Variants in ZNF521 observed in about 807,000 individuals in gnomAD.
ZNF521 encodes LYST-interacting protein 3.
ZNF521 carries 14 observed loss-of-function variants against 105.5 expected under a neutral mutation model. That is an observed-to-expected ratio of 0.13 (90% confidence interval 0.09 to 0.21). The LOEUF (loss-of-function observed/expected upper bound fraction) is 0.21. Ranked by LOEUF, ZNF521 falls within the 10% of genes least tolerant of loss-of-function variation. ZNF521 has a pLI of 1.00. For synonymous variants in ZNF521, 635 were observed against 606.0 expected (o/e 1.05, Z -0.70); for missense variants, 1,233 against 1,629.7 (o/e 0.76, Z 4.19).
At chr18:25,316,797 C>T (rs1912646715) in intron 3 of ZNF521, among the ~76,000 whole-genome samples, 1 of 151,860 alleles carries the variant, frequency 6.6e-6, no homozygotes, top group Non-Finnish European at 1.5e-5. Context: ...AAAACAAGAC[C>T]CATCAGATAA....
chr18:25,262,277 A>G (rs1385398440), intron 3 of ZNF521, among the ~76,000 whole-genome samples: 1 of 152,202 alleles, frequency 6.6e-6, no homozygotes. Flanking sequence ...AACAGCAACA[A>G]TTTTAAGGCA....
At chr18:25,066,508 A>C (rs1445840884) in intron 7 of ZNF521, among the ~76,000 whole-genome samples, 1 of 152,224 alleles carries the variant, frequency 6.6e-6, no homozygotes, top group African/African-American at 2.4e-5. Flanking sequence ...GCGAAGTCCT[A>C]GTCTCTGGTC....
At chr18:25,074,171 C>T in intron 7 of ZNF521, among the ~76,000 whole-genome samples, 1 of 152,236 alleles carries the variant, frequency 6.6e-6, no homozygotes, top group Admixed American at 6.5e-5. Flanking sequence ...GAGTTACATA[C>T]ATGCATTGCT....
At chr18:25,197,046 T>C (rs1477838444) in intron 4 of ZNF521, among the ~76,000 whole-genome samples, 1 of 151,764 alleles carries the variant, frequency 6.6e-6, no homozygotes, top group Admixed American at 6.6e-5. Context: ...TAATAAAGAA[T>C]AAAATCACTT....
intron 5 of ZNF521, among the ~76,000 whole-genome samples, chr18:25,148,454 A>T (rs1419930591): frequency 6.6e-6 from 1 of 152,100 alleles, no homozygotes; most frequent in Non-Finnish European, 1.5e-5. Flanking sequence ...AAAAAATTAA[A>T]GTTTCTGTTC....
At chr18:25,306,790 A>C (rs1259854272) in intron 3 of ZNF521, among the ~76,000 whole-genome samples, 1 of 152,084 alleles carries the variant, frequency 6.6e-6, no homozygotes, top group African/African-American at 2.4e-5. Context: ...ATGTTACAAA[A>C]ATTGGAGTAA....
At chr18:25,334,875 C>T (rs964973364) in intron 2 of ZNF521, among the ~76,000 whole-genome samples, 1 of 152,166 alleles carries the variant, frequency 6.6e-6, no homozygotes, top group African/African-American at 2.4e-5. Flanking sequence ...TTGCTAAGAG[C>T]CAGACATCCA....
At position 25,346,646 on chromosome 18, in the gene ZNF521, T is replaced by C. The variant is rs554753817; in HGVS notation, c.40+4261A>G. On this transcript the variant is annotated intron_variant, in intron 2 of 7. Transcript: ENST00000361524. ...CTCAAAAATAAAATAAAATAAACCT[T>C]CCTAAGTACAAAAGAAGGTAAATGG... Among the ~76,000 whole-genome samples the C allele has an allele frequency of 2.6e-5, 4 of 152,308 alleles. No homozygotes were observed. In the East Asian group the frequency reaches 5.8e-4, roughly 22 times the overall value.
rs569271361 is a variant in ZNF521, at chr18:25,256,010, A to G, written c.221-28313T>C. On this transcript the variant is annotated intron_variant, in intron 3 of 7. Coordinates refer to ENST00000361524, the MANE Select transcript of ZNF521 (RefSeq NM_015461.3). ...GGTATATATATGGTATATATATATG[A>G]TATATATATGGTATATATATGGTAT... Among the ~76,000 whole-genome samples, 45 of 147,802 alleles carry G rather than the reference A, an allele frequency of 3.0e-4. No individual in the cohort carries two copies. The East Asian group carries it at 3.9e-3, about 13-fold the overall frequency.
At chr18:25,180,785 C>A (rs983624387) in intron 5 of ZNF521, among the ~76,000 whole-genome samples, 76 of 152,076 alleles carry the variant, frequency 5.0e-4, no homozygotes, top group African/African-American at 1.8e-3. Flanking sequence ...GAAATCCATC[C>A]ATTTTGTGGC....
intron 3 of ZNF521, among the ~76,000 whole-genome samples, chr18:25,234,746 A>G (rs2144769004): frequency 6.6e-6 from 1 of 152,346 alleles, no homozygotes; most frequent in African/African-American, 2.4e-5. Flanking sequence ...AACAGCAGAA[A>G]GGAATCAAAA....
chr18:25,183,609 T>C (rs2035669972), intron 5 of ZNF521, among the ~76,000 whole-genome samples: 1 of 152,136 alleles, frequency 6.6e-6, no homozygotes, highest in African/African-American at 2.4e-5. Context: ...TTTGAATAGA[T>C]GGTAGGGTTA....
At chr18:25,264,878 T>A (rs1489954557) in intron 3 of ZNF521, among the ~76,000 whole-genome samples, 2 of 150,822 alleles carry the variant, frequency 1.3e-5, no homozygotes, top group Non-Finnish European at 3.0e-5. Context: ...GTGGACACCA[T>A]GAAAAGGAAA....
chr18:25,200,346 T>C (rs2035971522), intron 4 of ZNF521, among the ~76,000 whole-genome samples: 1 of 152,128 alleles, frequency 6.6e-6, no homozygotes, highest in Non-Finnish European at 1.5e-5. Flanking sequence ...TGGCTCTTAA[T>C]TCCTTTAGTC....
intron 3 of ZNF521, among the ~76,000 whole-genome samples, chr18:25,270,276 A>C (rs937857159): frequency 1.5e-4 from 23 of 152,322 alleles, no homozygotes; most frequent in African/African-American, 4.6e-4. Flanking sequence ...AAACTGAGGG[A>C]GTAATTAATA....
rs71375169 is a variant in ZNF521, at chr18:25,117,032, T to TAC, written c.3659-24953_3659-24952dup. Among the ~76,000 whole-genome samples the TAC allele has an allele frequency of 4.6e-4, 61 of 132,144 alleles. 1 individual carries two copies. The highest frequency in any genetic ancestry group is 3.6e-3 in the Admixed American group (46 of 12,760). The allele number at this position is 132,144 out of a possible 152,430, so 86.7% of individuals were successfully genotyped here. A position where few individuals can be genotyped will look rare whatever the true frequency, so the allele number is the denominator to read the frequency against. ...ACACACACACACATATATATATACATACACACACACACACATATATATACA... is the reference window on the plus strand; with the variant it reads ...ACACACACACACATATATATATACATACACACACACACACACATATATATACA... On this transcript the variant is annotated intron_variant, in intron 5 of 7. Coordinates refer to ENST00000361524, the MANE Select transcript of ZNF521 (RefSeq NM_015461.3).
chr18:25,106,936 T>C (rs2034084651), intron 5 of ZNF521, among the ~76,000 whole-genome samples: 1 of 152,158 alleles, frequency 6.6e-6, no homozygotes, highest in African/African-American at 2.4e-5. Flanking sequence ...AGACCTCTAC[T>C]ACAGATGTAA....
intron 3 of ZNF521, among the ~76,000 whole-genome samples, chr18:25,310,819 T>C (rs1001500798): frequency 2.0e-5 from 3 of 152,206 alleles, no homozygotes; most frequent in Non-Finnish European, 4.4e-5. Context: ...ATTATAATTA[T>C]ATTGAAACGA....
rs557565698 is a variant in ZNF521 at position 25,173,149 on chromosome 18, A to G, written c.3658+22011T>C. Among the ~76,000 whole-genome samples, 684 of 152,376 alleles carry G rather than the reference A, an allele frequency of 4.5e-3. 5 individuals are homozygous for G. Among genetic ancestry groups the G allele is most frequent in the South Asian group, 8.1e-3 (39 of 4,830 alleles). Reference sequence around the variant, plus strand: ...GTCCTACAGTGATGCTGTGGGACACATATTCAATTTTTATTAAAATATGTA... The same window carrying G: ...GTCCTACAGTGATGCTGTGGGACACGTATTCAATTTTTATTAAAATATGTA... On this transcript the variant is annotated intron_variant, in intron 5 of 7. Coordinates refer to ENST00000361524, the MANE Select transcript of ZNF521 (RefSeq NM_015461.3).
Sources: allele counts gnomAD v4.1 joint callset (sites outside exome capture counted in the v4.1 genomes callset), GRCh38; gene constraint gnomAD v4.1.1; transcripts MANE v1.5; gene names NCBI Gene and HGNC (gene_info 2026-07-23, HGNC 2026-07-21).